The following PTPN9 variants were observed in gnomAD, a reference collection of about 807,000 sequenced individuals.
PTPN9 encodes tyrosine-protein phosphatase non-receptor type 9.
Under a neutral mutation model 69.8 loss-of-function variants are expected in PTPN9, and 26 were observed. The ratio of observed to expected loss-of-function variants is 0.37; its 90% confidence interval spans 0.27 to 0.52. The LOEUF (loss-of-function observed/expected upper bound fraction) is 0.52. Among genes scored for constraint, PTPN9 ranks in the 20% least tolerant of loss-of-function variants. PTPN9 has a pLI of 0.91. For missense variants in PTPN9, 549 were observed against 740.3 expected (o/e 0.74, Z 3.00); for synonymous variants, 274 against 272.5 (o/e 1.01, Z -0.05).
At chr15:75,491,576 A>C (rs1264964686) in intron 7 of PTPN9, among the ~76,000 whole-genome samples, 1 of 152,166 alleles carries the variant, frequency 6.6e-6, no homozygotes, top group Non-Finnish European at 1.5e-5. Context: ...AGAATTTGGA[A>C]GTACATGCAG....
chr15:75,543,672 T>C (rs2075019022), intron 1 of PTPN9, among the ~76,000 whole-genome samples: 1 of 152,246 alleles, frequency 6.6e-6, no homozygotes, highest in Non-Finnish European at 1.5e-5. Flanking sequence ...AGAAGATTAA[T>C]ATTTTCCATA....
At chr15:75,566,687 A>G (rs1198102485) in intron 1 of PTPN9, among the ~76,000 whole-genome samples, 1 of 151,998 alleles carries the variant, frequency 6.6e-6, no homozygotes, top group Non-Finnish European at 1.5e-5. Context: ...TCAAAAAAAA[A>G]AAAAGAAAGA....
intron 5 of PTPN9, among the ~76,000 whole-genome samples, chr15:75,511,782 A>T (rs2074846315): frequency 6.6e-6 from 1 of 152,062 alleles, no homozygotes; most frequent in Admixed American, 6.6e-5. Flanking sequence ...CATCATTCTG[A>T]TTATTCAGTT....
intron 9 of PTPN9, among the ~76,000 whole-genome samples, chr15:75,476,876 T>C (rs115520385): frequency 0.018 from 2,729 of 152,268 alleles, 81 homozygotes; most frequent in African/African-American, 0.063. Context: ...TACTTCATTT[T>C]CCACATTCAG....
intron 1 of PTPN9, among the ~76,000 whole-genome samples, chr15:75,559,006 G>A (rs1329255561): frequency 6.6e-6 from 1 of 151,868 alleles, no homozygotes; most frequent in Admixed American, 6.6e-5. Context: ...TGGGATGTGA[G>A]GATCCCCTCT....
intron 10 of PTPN9, among the ~76,000 whole-genome samples, chr15:75,471,693 T>C (rs1303303390): frequency 2.7e-5 from 4 of 148,638 alleles, no homozygotes; most frequent in African/African-American, 9.9e-5. Flanking sequence ...AGGTGGCGGA[T>C]CACCTGAGGT....
intron 7 of PTPN9, among the ~76,000 whole-genome samples, chr15:75,504,640 G>T (rs1481322821): frequency 1.4e-5 from 2 of 139,124 alleles, no homozygotes; most frequent in Admixed American, 7.0e-5. Context: ...GGAGGGAGGT[G>T]GGGGGGTCAG....
At chr15:75,504,640 G>C (rs1481322821) in intron 7 of PTPN9, among the ~76,000 whole-genome samples, 2 of 139,214 alleles carry the variant, frequency 1.4e-5, no homozygotes, top group East Asian at 2.4e-4. Context: ...GGAGGGAGGT[G>C]GGGGGGTCAG....
At chr15:75,562,133 A>C (rs1567525550) in intron 1 of PTPN9, among the ~76,000 whole-genome samples, 1 of 152,176 alleles carries the variant, frequency 6.6e-6, no homozygotes, top group Non-Finnish European at 1.5e-5. Context: ...GATTACAGGC[A>C]TGACCCACTG....
Position 75,482,514 on chromosome 15 carries a change from G to A in PTPN9, c.1063-2600C>T, listed in dbSNP as rs1402325524. Among the ~76,000 whole-genome samples, 14 of 136,930 alleles carry A rather than the reference G, an allele frequency of 1.0e-4. No homozygotes were observed. In the East Asian group the frequency reaches 2.0e-3, roughly 20 times the overall value. The allele number at this position is 136,930 out of a possible 152,430, so 89.8% of individuals were successfully genotyped here. The stretch of plus-strand genomic sequence containing the variant: ...CGGGAGGCGGAGCTTGCAGTGAGCC[G>A]AGATCGTGCCACTGCACTCCAGCCT... On this transcript the variant is annotated intron_variant, in intron 8 of 12. Transcript: ENST00000618819.
At chr15:75,481,326 T>C (rs2074632890) in intron 8 of PTPN9, among the ~76,000 whole-genome samples, 1 of 52,812 alleles carries the variant, frequency 1.9e-5, no homozygotes, top group Non-Finnish European at 3.9e-5. Context: ...AGCCACCCCG[T>C]CCGGGAGGGA....
chr15:75,517,308 T>A lies in PTPN9; in HGVS notation c.479A>T (p.Tyr160Phe), dbSNP rs371548349. Reference protein sequence around the residue: ...VFIYDMCGSNYANFELDLGKK... With the variant: ...VFIYDMCGSNFANFELDLGKK... ...GCCAAGATCCAGCTCAAAGTTGGCATAATTAGAACCACACATGTCATAGAT... is the reference window on the plus strand; with the variant it reads ...GCCAAGATCCAGCTCAAAGTTGGCAAAATTAGAACCACACATGTCATAGAT... Residue 160 changes from tyrosine to phenylalanine, a missense_variant, in exon 5 of 13, where the codon TAT becomes TTT. By Grantham distance (22) the Tyr-to-Phe change is conservative. Coordinates refer to ENST00000618819, the MANE Select transcript of PTPN9 (RefSeq NM_002833.4). 246 of 1,613,922 alleles carry A rather than the reference T, an allele frequency of 1.5e-4. 2 individuals carry two copies. The highest frequency in any genetic ancestry group is 9.9e-4 in the Middle Eastern group (6 of 6,084).
rs1284180926 is a variant in PTPN9, at chr15:75,500,943, T to G, written c.968+4732A>C. On this transcript the variant is annotated intron_variant, in intron 7 of 12. Coordinates refer to ENST00000618819, the MANE Select transcript of PTPN9 (RefSeq NM_002833.4). ...ACAATAAGTAAAATGAAATAAAAAT[T>G]AAATAAAAATAGGGGTCTGGAGCTG... is the stretch of plus-strand genomic sequence containing the variant. Among the ~76,000 whole-genome samples, 4 of 151,974 alleles carry G rather than the reference T, an allele frequency of 2.6e-5. No homozygotes were observed. In the East Asian group the frequency reaches 7.7e-4, roughly 29 times the overall value.
At chr15:75,494,264 TAAC>T (rs2074727492) in intron 7 of PTPN9, among the ~76,000 whole-genome samples, 1 of 151,666 alleles carries the variant, frequency 6.6e-6, no homozygotes, top group South Asian at 2.1e-4. Context: ...TAGAACTAAA[TAAC>T]AAACCTTCAG....
At chr15:75,513,231 G>A (rs1367607561) in intron 5 of PTPN9, 1 of 454,792 alleles carries the variant, frequency 2.2e-6, no homozygotes, top group Non-Finnish European at 4.4e-6. Flanking sequence ...GAAATAACAG[G>A]TGTTTTCCTA....
At chr15:75,510,506 G>A (rs1470852500) in intron 5 of PTPN9, among the ~76,000 whole-genome samples, 1 of 152,070 alleles carries the variant, frequency 6.6e-6, no homozygotes, top group Non-Finnish European at 1.5e-5. Flanking sequence ...CAGAGTGCTG[G>A]GATTATAGGC....
chr15:75,566,460 T>C (rs2075126798), intron 1 of PTPN9, among the ~76,000 whole-genome samples: 1 of 152,182 alleles, frequency 6.6e-6, no homozygotes, highest in African/African-American at 2.4e-5. Flanking sequence ...GGTGGGCAGA[T>C]GACCTGAGGT....
chr15:75,507,442 G>C (rs2074825229), intron 6 of PTPN9, among the ~76,000 whole-genome samples: 1 of 107,460 alleles, frequency 9.3e-6, no homozygotes, highest in Non-Finnish European at 1.7e-5. Flanking sequence ...GCAAAACTCT[G>C]TCGCAAAAAA....
Position 75,490,222 on chromosome 15 carries a change from T to G in PTPN9, c.1048A>C (p.Ser350Arg). 2 of 1,611,548 alleles carry G rather than the reference T, an allele frequency of 1.2e-6. No individual in the cohort carries two copies. Residue 350 changes from serine to arginine, a missense_variant, in exon 8 of 13, where the codon AGT becomes CGT. By Grantham distance (110) the Ser-to-Arg change is moderately radical. Transcript: ENST00000618819. ...TATCTGTCTACCTGAGTATGGCCAC[T>G]TCGCTTTGTTAGCTTCACTCTAGTT... is the stretch of plus-strand genomic sequence containing the variant. ...DQTRVKLTKR[S>R]GHTQTDYINA...
Sources: allele counts gnomAD v4.1 joint callset (sites outside exome capture counted in the v4.1 genomes callset), GRCh38; gene constraint gnomAD v4.1.1; transcripts MANE v1.5; gene names NCBI Gene and HGNC (gene_info 2026-07-23, HGNC 2026-07-21).